Variants in GRID2 observed in about 807,000 individuals in gnomAD.
GRID2 encodes glutamate receptor ionotropic, delta-2.
Under a neutral mutation model 114.8 loss-of-function variants are expected in GRID2, and 33 were observed. The observed-to-expected ratio is 0.29, with a 90% CI of 0.22 to 0.38. The LOEUF is 0.38. GRID2 is among the 10% of genes least tolerant of loss of function. The pLI is 1.00. For synonymous variants in GRID2, 505 were observed against 449.9 expected (o/e 1.12, Z -1.55); for missense variants, 1,184 against 1,257.7 (o/e 0.94, Z 0.89).
At chr4:93,500,035 T>C (rs1218374625) in intron 12 of GRID2, among the ~76,000 whole-genome samples, 2 of 151,986 alleles carry the variant, frequency 1.3e-5, no homozygotes, top group Non-Finnish European at 2.9e-5. Flanking sequence ...ATAAATTTCT[T>C]AGGAAATAAA....
chr4:92,754,260 G>T (rs1737600372), intron 2 of GRID2, among the ~76,000 whole-genome samples: 1 of 152,178 alleles, frequency 6.6e-6, no homozygotes, highest in South Asian at 2.1e-4. Context: ...TGGAAGAACA[G>T]TTCAGGAGTC....
chr4:93,520,121 T>C (rs1730184516), intron 13 of GRID2, among the ~76,000 whole-genome samples: 1 of 152,198 alleles, frequency 6.6e-6, no homozygotes. Context: ...TATTCAGCTC[T>C]GGCTGAAAAA....
At chr4:93,122,912 T>TTTTTTTTTTTA (rs1733926110) in intron 4 of GRID2, among the ~76,000 whole-genome samples, 2 of 147,588 alleles carry the variant, frequency 1.4e-5, no homozygotes, top group Non-Finnish European at 1.5e-5. Flanking sequence ...TTTTTTTTTT[T>TTTTTTTTTTTA]GATGAGAAAG....
At chr4:92,459,705 A>G (rs969412703) in intron 1 of GRID2, among the ~76,000 whole-genome samples, 1 of 152,014 alleles carries the variant, frequency 6.6e-6, no homozygotes, top group African/African-American at 2.4e-5. Flanking sequence ...AATTTCATGT[A>G]TCAAGCCTGG....
intron 2 of GRID2, among the ~76,000 whole-genome samples, chr4:92,894,117 C>T (rs1308294255): frequency 6.6e-6 from 1 of 152,062 alleles, no homozygotes; most frequent in Non-Finnish European, 1.5e-5. Context: ...TTTTACTAGG[C>T]ATTTAACAAA....
At chr4:92,619,121 G>GCTCT (rs1223214179) in intron 2 of GRID2, among the ~76,000 whole-genome samples, 2 of 151,562 alleles carry the variant, frequency 1.3e-5, no homozygotes, top group African/African-American at 4.8e-5. Flanking sequence ...GGTCAGCCAA[G>GCTCT]GATTATTCAG....
intron 2 of GRID2, among the ~76,000 whole-genome samples, chr4:92,719,459 C>T (rs940619025): frequency 6.6e-6 from 1 of 152,146 alleles, no homozygotes; most frequent in Non-Finnish European, 1.5e-5. Flanking sequence ...GATCGTTACT[C>T]TTTCATCCTC....
At chr4:92,866,921 C>T (rs761919355) in intron 2 of GRID2, among the ~76,000 whole-genome samples, 3 of 152,116 alleles carry the variant, frequency 2.0e-5, no homozygotes, top group Non-Finnish European at 2.9e-5. Context: ...AGAATGCTAA[C>T]CCCTGGCATT....
At chr4:93,732,862 A>T (rs1046455455) in intron 14 of GRID2, among the ~76,000 whole-genome samples, 2 of 152,098 alleles carry the variant, frequency 1.3e-5, no homozygotes, top group Admixed American at 1.3e-4. Context: ...TTCTAAGAAA[A>T]CAACACATCC....
Position 92,486,547 on chromosome 4 carries a change from TCACACACACACACACACACA to T in GRID2, c.89-103559_89-103540del, listed in dbSNP as rs72216440. ...ATAGCCTTATAAATCTCTCTCTCTT[TCACACACACACACACACACA>T]CACACACACACACACACACACACAA... On this transcript the variant is annotated intron_variant, in intron 1 of 15. Transcript: ENST00000282020. Among the ~76,000 whole-genome samples the T allele has an allele frequency of 6.4e-4, 88 of 137,172 alleles. 2 individuals carry two copies. The South Asian group carries it at 0.02, about 32-fold the overall frequency. 90.0% of individuals were successfully genotyped at this position (137,172 alleles called of 152,430 possible).
chr4:93,743,381 G>C (rs924924614), intron 14 of GRID2, among the ~76,000 whole-genome samples: 1 of 152,180 alleles, frequency 6.6e-6, no homozygotes, highest in Admixed American at 6.5e-5. Context: ...AATAGATGAA[G>C]GTGGCTACAC....
chr4:93,602,278 A>G (rs1373809180), intron 13 of GRID2, among the ~76,000 whole-genome samples: 2 of 152,154 alleles, frequency 1.3e-5, no homozygotes, highest in Admixed American at 6.5e-5. Context: ...CAAGGCAATC[A>G]ATTTAGTTAA....
In GRID2 at chr4:93,378,186, T is replaced by C. The variant is rs117869604; in HGVS notation, c.1246-17421T>C. ...TTTATATGCCTGTCTGCTCTGAAAA[T>C]AATTTAATATGTTTAAATTCCTAGA... is the stretch of plus-strand genomic sequence containing the variant. On this transcript the variant is annotated intron_variant, in intron 8 of 15. Transcript: ENST00000282020. Among the ~76,000 whole-genome samples the C allele has an allele frequency of 4.3e-4, 65 of 152,190 alleles. No homozygotes were observed. The East Asian group carries it at 0.011, about 27-fold the overall frequency.
intron 2 of GRID2, among the ~76,000 whole-genome samples, chr4:92,895,915 G>A (rs1355685802): frequency 6.6e-6 from 1 of 152,050 alleles, no homozygotes; most frequent in Non-Finnish European, 1.5e-5. Context: ...GATTTTTTAT[G>A]AATTCAAAGT....
chr4:93,545,753 C>A (rs1472121798), intron 13 of GRID2, among the ~76,000 whole-genome samples: 3 of 151,858 alleles, frequency 2.0e-5, no homozygotes, highest in Non-Finnish European at 4.4e-5. Context: ...GACTATAAAG[C>A]AAATATCAGT....
Position 92,513,975 on chromosome 4 carries a change from G to A in GRID2, c.89-76156G>A, listed in dbSNP as rs557169917. On this transcript the variant is annotated intron_variant, in intron 1 of 15. Coordinates refer to ENST00000282020, the MANE Select transcript of GRID2 (RefSeq NM_001510.4). The stretch of plus-strand genomic sequence containing the variant: ...TAAAAAGTTAAGAGCTGATATCAAG[G>A]ACCTAAGCTGTATTTTCATTTCATC... Among the ~76,000 whole-genome samples, 14 of 151,954 alleles carry A rather than the reference G, an allele frequency of 9.2e-5. No individual in the cohort carries two copies. The East Asian group carries it at 2.1e-3, about 23-fold the overall frequency.
intron 1 of GRID2, among the ~76,000 whole-genome samples, chr4:92,345,052 CCT>C (rs1299436981): frequency 2.0e-5 from 3 of 152,294 alleles, no homozygotes; most frequent in South Asian, 2.1e-4. Flanking sequence ...AGCTTTCTCC[CCT>C]GAGTCCCAAA....
chr4:93,333,885 T>G (rs550197405), intron 8 of GRID2, among the ~76,000 whole-genome samples: 7 of 152,086 alleles, frequency 4.6e-5, no homozygotes, highest in Non-Finnish European at 1.0e-4. Flanking sequence ...AAAAAAATGT[T>G]ATTCACTGAT....
At chr4:93,503,096 T>G (rs1327820210) in intron 12 of GRID2, among the ~76,000 whole-genome samples, 10 of 152,108 alleles carry the variant, frequency 6.6e-5, no homozygotes, top group Non-Finnish European at 2.9e-5. Flanking sequence ...AAATACCACC[T>G]ACTTGAGAAT....
Sources: allele counts gnomAD v4.1 joint callset (sites outside exome capture counted in the v4.1 genomes callset), GRCh38; gene constraint gnomAD v4.1.1; transcripts MANE v1.5; gene names NCBI Gene and HGNC (gene_info 2026-07-23, HGNC 2026-07-21).